The following DPP10 variants were observed in gnomAD, a reference collection of about 807,000 sequenced individuals.
DPP10 encodes inactive dipeptidyl peptidase 10.
DPP10 carries 33 observed loss-of-function variants against 120.9 expected under a neutral mutation model. That is an observed-to-expected ratio of 0.27 (90% confidence interval 0.21 to 0.37). The LOEUF (loss-of-function observed/expected upper bound fraction) is 0.37, where lower values mean the gene tolerates loss of function less well. Among genes scored for constraint, DPP10 ranks in the 10% least tolerant of loss-of-function variants. The pLI, the probability that DPP10 is intolerant of heterozygous loss-of-function variation, is 1.00. For missense variants in DPP10, 816 were observed against 942.8 expected (o/e 0.87, Z 1.76); for synonymous variants, 337 against 326.1 (o/e 1.03, Z -0.36).
intron 24 of DPP10, among the ~76,000 whole-genome samples, chr2:115,838,479 A>G (rs1689759244): frequency 6.6e-6 from 1 of 152,192 alleles, no homozygotes; most frequent in South Asian, 2.1e-4. Flanking sequence ...AGTAGACACA[A>G]TTGATTAGTA....
At chr2:114,652,187 A>C (rs1696640706) in intron 1 of DPP10, among the ~76,000 whole-genome samples, 1 of 152,166 alleles carries the variant, frequency 6.6e-6, no homozygotes, top group Non-Finnish European at 1.5e-5. Context: ...CCTGTGGAGG[A>C]AGTTACTTCT....
intron 5 of DPP10, among the ~76,000 whole-genome samples, chr2:115,549,815 T>A (rs965178155): frequency 2.6e-5 from 4 of 152,158 alleles, no homozygotes; most frequent in Non-Finnish European, 5.9e-5. Flanking sequence ...CTTGTCTCCC[T>A]CTCTAGTTTT....
At position 115,836,756 on chromosome 2, in the gene DPP10, A is replaced by T. The variant is rs1414148777; in HGVS notation, c.2182+10A>T. On this transcript the variant is annotated intron_variant, in intron 24 of 25. Coordinates refer to ENST00000410059, the MANE Select transcript of DPP10 (RefSeq NM_020868.6). ...CATGGAACTGCTGACAGTAAGTATT[A>T]TACTTGCCGCTGCTGTTTGATAGGG... 2.5e-6 allele frequency: 4 copies of T among 1,609,148 alleles called. No individual in the cohort carries two copies. The highest frequency in any genetic ancestry group is 1.3e-5 in the African/African-American group (1 of 74,738).
chr2:115,296,402 G>A (rs2060886629), intron 1 of DPP10, among the ~76,000 whole-genome samples: 1 of 152,014 alleles, frequency 6.6e-6, no homozygotes, highest in South Asian at 2.1e-4. Flanking sequence ...CTTAACCTAT[G>A]TTTGGCATCT....
chr2:114,912,345 G>A (rs1001510552), intron 1 of DPP10, among the ~76,000 whole-genome samples: 6 of 152,146 alleles, frequency 3.9e-5, no homozygotes, highest in South Asian at 2.1e-4. Context: ...TGCCTTGTAC[G>A]ATGACATCTA....
intron 17 of DPP10, among the ~76,000 whole-genome samples, chr2:115,784,909 G>C: frequency 6.6e-6 from 1 of 152,088 alleles, no homozygotes; most frequent in East Asian, 1.9e-4. Flanking sequence ...AGAATATTAT[G>C]ACAAAGCTAT....
intron 1 of DPP10, among the ~76,000 whole-genome samples, chr2:114,529,998 T>C (rs915962343): frequency 2.6e-5 from 4 of 152,160 alleles, no homozygotes; most frequent in Non-Finnish European, 4.4e-5. Context: ...TCCATCTATG[T>C]CCCTGCAAAG....
At chr2:114,855,018 A>G (rs1335615961) in intron 1 of DPP10, among the ~76,000 whole-genome samples, 1 of 152,142 alleles carries the variant, frequency 6.6e-6, no homozygotes, top group East Asian at 1.9e-4. Flanking sequence ...GTTCACAGAG[A>G]GAGAAAAAGA....
intron 3 of DPP10, among the ~76,000 whole-genome samples, chr2:115,379,506 C>T (rs978679461): frequency 5.9e-5 from 9 of 152,050 alleles, no homozygotes; most frequent in African/African-American, 1.9e-4. Flanking sequence ...AAAACCAGCT[C>T]CTGGATTCAT....
At chr2:114,772,413 C>T (rs1482474757) in intron 1 of DPP10, among the ~76,000 whole-genome samples, 2 of 152,076 alleles carry the variant, frequency 1.3e-5, no homozygotes, top group Non-Finnish European at 2.9e-5. Flanking sequence ...ACCCACTCGG[C>T]CTACCAAAGT....
Position 115,411,518 on chromosome 2 carries a change from G to A in DPP10, c.271+67606G>A, listed in dbSNP as rs922005075. On this transcript the variant is annotated intron_variant, in intron 3 of 25. Coordinates refer to ENST00000410059, the MANE Select transcript of DPP10 (RefSeq NM_020868.6). ...AGTATTGAAAGGGGGAGGGAAAATT[G>A]GGGTATTTATGAAGCTTTGGAATAT... is the stretch of plus-strand genomic sequence containing the variant. Among the ~76,000 whole-genome samples the A allele has an allele frequency of 2.6e-5, 4 of 152,186 alleles. No individual in the cohort carries two copies. The East Asian group carries it at 7.8e-4, about 30-fold the overall frequency.
At chr2:115,456,984 G>A (rs930919622) in intron 3 of DPP10, among the ~76,000 whole-genome samples, 1 of 151,614 alleles carries the variant, frequency 6.6e-6, no homozygotes, top group African/African-American at 2.4e-5. Flanking sequence ...AAACAAAAAA[G>A]AAATTGGAGG....
chr2:115,835,935 T>C (rs182245403), intron 21 of DPP10, among the ~76,000 whole-genome samples: 2 of 152,224 alleles, frequency 1.3e-5, no homozygotes, highest in East Asian at 3.9e-4. Context: ...ACAGCTGTTA[T>C]ATAACAATTT....
chr2:115,665,156 C>A (rs754117573), intron 5 of DPP10, among the ~76,000 whole-genome samples: 125 of 152,126 alleles, frequency 8.2e-4, no homozygotes, highest in Non-Finnish European at 2.2e-4. Context: ...TGTGTTCTTT[C>A]CATTTAATAG....
intron 1 of DPP10, among the ~76,000 whole-genome samples, chr2:115,158,443 T>C (rs1464676588): frequency 6.6e-6 from 1 of 152,146 alleles, no homozygotes; most frequent in Non-Finnish European, 1.5e-5. Flanking sequence ...GAAACCCAAA[T>C]GAATATATTG....
chr2:114,625,415 G>T (rs889550455), intron 1 of DPP10, among the ~76,000 whole-genome samples: 1 of 151,912 alleles, frequency 6.6e-6, no homozygotes, highest in East Asian at 1.9e-4. Flanking sequence ...GGCACACTAT[G>T]TTATTTGATC....
At chr2:114,513,972 C>T (rs1220930127) in intron 1 of DPP10, among the ~76,000 whole-genome samples, 2 of 152,120 alleles carry the variant, frequency 1.3e-5, no homozygotes, top group South Asian at 2.1e-4. Flanking sequence ...GCATAAAATA[C>T]GGGAAACCTG....
intron 1 of DPP10, among the ~76,000 whole-genome samples, chr2:114,576,225 T>C (rs1268127359): frequency 1.3e-5 from 2 of 152,140 alleles, no homozygotes; most frequent in Non-Finnish European, 2.9e-5. Flanking sequence ...TTTACAAACA[T>C]GTGGGAAGAG....
chr2:114,736,018 G>A (rs554416476), intron 1 of DPP10, among the ~76,000 whole-genome samples: 101 of 152,118 alleles, frequency 6.6e-4, no homozygotes, highest in Middle Eastern at 3.4e-3. Context: ...TTAGATGCTA[G>A]TAGTGAAGAA....
Sources: gnomAD v4.1 joint callset for allele counts (sites outside exome capture counted in the v4.1 genomes callset) on GRCh38, gnomAD v4.1.1 for gene constraint, MANE v1.5 for transcripts, NCBI Gene and HGNC (gene_info 2026-07-23, HGNC 2026-07-21) for gene names.